Variants in UNC5C observed in about 807,000 individuals in gnomAD.
The protein encoded by UNC5C is netrin receptor UNC5C.
UNC5C carries 47 observed loss-of-function variants against 99.8 expected under a neutral mutation model. The ratio of observed to expected loss-of-function variants is 0.47; its 90% CI spans 0.37 to 0.60. The LOEUF is 0.60. UNC5C is among the 20% of genes least tolerant of loss of function. The pLI is 0.00. For missense variants in UNC5C, 1,062 were observed against 1,165.9 expected (o/e 0.91, Z 1.30); for synonymous variants, 487 against 452.2 (o/e 1.08, Z -0.98).
chr4:95,448,206 G>GTC (rs1747166126), intron 1 of UNC5C, among the ~76,000 whole-genome samples: 1 of 143,922 alleles, frequency 6.9e-6, no homozygotes, highest in African/African-American at 2.6e-5. Context: ...GTCTCTGTGT[G>GTC]TGTGTGTGTG....
chr4:95,455,239 A>G (rs778985165), intron 1 of UNC5C, among the ~76,000 whole-genome samples: 1 of 152,158 alleles, frequency 6.6e-6, no homozygotes, highest in Non-Finnish European at 1.5e-5. Flanking sequence ...TTTGGGCAAT[A>G]AACTTCAGGA....
At chr4:95,443,496 T>C (rs1397429029) in intron 1 of UNC5C, among the ~76,000 whole-genome samples, 1 of 152,216 alleles carries the variant, frequency 6.6e-6, no homozygotes, top group Non-Finnish European at 1.5e-5. Flanking sequence ...CACACTGATA[T>C]TATATGAACA....
intron 1 of UNC5C, among the ~76,000 whole-genome samples, chr4:95,461,304 G>GCTGATTAACAGAATTAACTGTT (rs1553975792): frequency 1.0e-5 from 1 of 98,022 alleles, no homozygotes; most frequent in African/African-American, 5.0e-5. Context: ...TTTCCAACAT[G>GCTGATTAACAGAATTAACTGTT]AAGCACAAGG....
rs142051775 is a variant in UNC5C, at chr4:95,403,338, A to G, written c.125-67707T>C. Among the ~76,000 whole-genome samples, 53 of 152,308 alleles carry G rather than the reference A, an allele frequency of 3.5e-4. 1 individual carries two copies. The East Asian group carries it at 3.5e-3, about 10-fold the overall frequency. ...AGCAATCTCGGGCATGTTCTTGAAC[A>G]GGACAGGTGAGCTGGAACCCCGCTG... On this transcript the variant is annotated intron_variant, in intron 1 of 15. Coordinates refer to ENST00000453304, the MANE Select transcript of UNC5C (RefSeq NM_003728.4).
chr4:95,240,290 A>T (rs1739282322), intron 7 of UNC5C, among the ~76,000 whole-genome samples: 1 of 152,080 alleles, frequency 6.6e-6, no homozygotes, highest in Admixed American at 6.6e-5. Context: ...AAACAATATT[A>T]TTTTTTTACA....
At chr4:95,177,780 C>T (rs1223030576) in intron 14 of UNC5C, among the ~76,000 whole-genome samples, 2 of 152,126 alleles carry the variant, frequency 1.3e-5, no homozygotes, top group Non-Finnish European at 2.9e-5. Flanking sequence ...TAGCTTGCTG[C>T]AGCCTTGAAT....
At chr4:95,210,508 A>C (rs1738040639) in intron 10 of UNC5C, among the ~76,000 whole-genome samples, 1 of 152,184 alleles carries the variant, frequency 6.6e-6, no homozygotes. Context: ...GAAAATAAAA[A>C]TATCTCAGAT....
chr4:95,429,266 T>C (rs1379209764), intron 1 of UNC5C, among the ~76,000 whole-genome samples: 2 of 134,690 alleles, frequency 1.5e-5, no homozygotes, highest in African/African-American at 5.7e-5. Context: ...CTTTAAATAA[T>C]ACTTAGTGAT....
intron 1 of UNC5C, among the ~76,000 whole-genome samples, chr4:95,401,507 A>C (rs1385595327): frequency 6.6e-6 from 1 of 151,980 alleles, no homozygotes; most frequent in Non-Finnish European, 1.5e-5. Context: ...AGGGCTTAAT[A>C]TGTTGCCCAG....
chr4:95,453,832 T>C (rs919112244), intron 1 of UNC5C, among the ~76,000 whole-genome samples: 5 of 152,134 alleles, frequency 3.3e-5, no homozygotes, highest in African/African-American at 4.8e-5. Flanking sequence ...GAATTATTAC[T>C]AGGATTTCAC....
rs891354792 is a variant in UNC5C at position 95,409,371 on chromosome 4, G to C, written c.125-73740C>G. Among the ~76,000 whole-genome samples, 14 of 152,206 alleles carry C rather than the reference G, an allele frequency of 9.2e-5. No individual in the cohort carries two copies. In the East Asian group the frequency reaches 1.7e-3, roughly 19 times the overall value. The stretch of plus-strand genomic sequence containing the variant: ...AACCTGCAGACATCAAACAGTTCAA[G>C]GGACTCAGGATAAGGTTAAAATGTC... On this transcript the variant is annotated intron_variant, in intron 1 of 15. Transcript: ENST00000453304.
intron 1 of UNC5C, among the ~76,000 whole-genome samples, chr4:95,493,283 A>G (rs1043582496): frequency 6.6e-6 from 1 of 151,444 alleles, no homozygotes; most frequent in African/African-American, 2.4e-5. Context: ...CAGGCCAGAA[A>G]TAAGGATATA....
intron 7 of UNC5C, among the ~76,000 whole-genome samples, chr4:95,236,352 A>G (rs1739111926): frequency 6.7e-6 from 1 of 149,970 alleles, no homozygotes; most frequent in South Asian, 2.1e-4. Context: ...CAAACATCGC[A>G]TGTTCTCACT....
chr4:95,206,856 C>A, intron 10 of UNC5C, 60 bp from the exon 11 acceptor site: 3 of 1,320,142 alleles, frequency 2.3e-6, no homozygotes, highest in Non-Finnish European at 3.0e-6. Context: ...GAACTATGCA[C>A]TTGGGTTCTG....
intron 12 of UNC5C, among the ~76,000 whole-genome samples, chr4:95,199,071 C>T (rs1737547889): frequency 6.6e-6 from 1 of 151,966 alleles, no homozygotes; most frequent in Non-Finnish European, 1.5e-5. Flanking sequence ...GCTGAGAATT[C>T]CTGATTTTGG....
intron 1 of UNC5C, among the ~76,000 whole-genome samples, chr4:95,369,022 T>A (rs1744663770): frequency 6.6e-6 from 1 of 151,914 alleles, no homozygotes; most frequent in Non-Finnish European, 1.5e-5. Flanking sequence ...TATATCTAGC[T>A]AAATTTTGAA....
At chr4:95,345,903 A>G (rs1268574187) in intron 1 of UNC5C, among the ~76,000 whole-genome samples, 1 of 152,000 alleles carries the variant, frequency 6.6e-6, no homozygotes, top group Non-Finnish European at 1.5e-5. Flanking sequence ...TGAAAAGTAG[A>G]AAAACTTCAA....
At chr4:95,330,292 T>A (rs1035143150) in intron 2 of UNC5C, among the ~76,000 whole-genome samples, 6 of 152,102 alleles carry the variant, frequency 3.9e-5, no homozygotes, top group African/African-American at 1.4e-4. Context: ...TTTTCCCAAA[T>A]TATTTTTAAT....
In UNC5C at chr4:95,501,419, C is replaced by T. The variant is rs555315005; in HGVS notation, c.124+47315G>A. Among the ~76,000 whole-genome samples, 8 of 152,084 alleles carry T rather than the reference C, an allele frequency of 5.3e-5. No homozygotes were observed. The South Asian group carries it at 1.7e-3, about 32-fold the overall frequency. On this transcript the variant is annotated intron_variant, in intron 1 of 15. Coordinates refer to ENST00000453304, the MANE Select transcript of UNC5C (RefSeq NM_003728.4). ...ATTAAGAGAAGTTAAAAGAAGTTTGCTTTTTAAGGAGGCTAACAATGTCCA... is the reference window on the plus strand; with the variant it reads ...ATTAAGAGAAGTTAAAAGAAGTTTGTTTTTTAAGGAGGCTAACAATGTCCA...
Sources: gnomAD v4.1 joint callset for allele counts (sites outside exome capture counted in the v4.1 genomes callset) on GRCh38, gnomAD v4.1.1 for gene constraint, MANE v1.5 for transcripts, NCBI Gene and HGNC (gene_info 2026-07-23, HGNC 2026-07-21) for gene names.